NCAM1: variants seen among roughly 807,000 people sequenced by gnomAD.
The protein encoded by NCAM1 is neural cell adhesion molecule 1, also known as antigen recognized by monoclonal antibody 5.1H11.
Under a neutral mutation model 109.8 loss-of-function variants are expected in NCAM1, and 14 were observed. The observed-to-expected ratio is 0.13, with a 90% CI of 0.08 to 0.20. The LOEUF (loss-of-function observed/expected upper bound fraction) is 0.20. Among genes scored for constraint, NCAM1 ranks in the 10% least tolerant of loss-of-function variants. NCAM1 has a pLI of 1.00. For synonymous variants in NCAM1, 418 were observed against 442.9 expected, an observed-to-expected ratio of 0.94 and a Z score of 0.70; for missense variants, 774 against 1,109.9, an observed-to-expected ratio of 0.70 and a Z score of 4.30.
intron 1 of NCAM1, among the ~76,000 whole-genome samples, chr11:112,991,738 G>C (rs1951461964): frequency 6.6e-6 from 1 of 152,094 alleles, no homozygotes; most frequent in Non-Finnish European, 1.5e-5. Flanking sequence ...AAGTGTTTTT[G>C]GTAATAATTT....
intron 1 of NCAM1, among the ~76,000 whole-genome samples, chr11:113,128,354 T>C (rs1555097551): frequency 6.6e-6 from 1 of 152,198 alleles, no homozygotes; most frequent in African/African-American, 2.4e-5. Context: ...GGAATAAAAG[T>C]ACTCTGTGAC....
chr11:112,992,381 C>G (rs1555070697), intron 1 of NCAM1, among the ~76,000 whole-genome samples: 1 of 151,832 alleles, frequency 6.6e-6, no homozygotes, highest in Non-Finnish European at 1.5e-5. Context: ...ATGTTTTAAA[C>G]TTAATATGTC....
chr11:113,264,651 A>C, intron 17 of NCAM1: 1 of 985,524 alleles, frequency 1.0e-6, no homozygotes, highest in Non-Finnish European at 1.2e-6. Context: ...CCCTGATCCC[A>C]GGACCACCCA....
intron 1 of NCAM1, among the ~76,000 whole-genome samples, chr11:113,106,008 C>A (rs1361411521): frequency 6.6e-6 from 1 of 151,258 alleles, no homozygotes; most frequent in Admixed American, 6.7e-5. Context: ...TTTTGTATAA[C>A]CAGTTACACA....
Position 113,085,170 on chromosome 11 carries a change from T to C in NCAM1, c.53-117209T>C, listed in dbSNP as rs75379462. The stretch of plus-strand genomic sequence containing the variant: ...CCATAAAGGGTGTTAAAAGCATAAA[T>C]TGACAAAGATTTGTCTTGACTGATA... On this transcript the variant is annotated intron_variant, in intron 1 of 19. Coordinates refer to ENST00000316851, the MANE Select transcript of NCAM1 (RefSeq NM_181351.5). 9.6e-3 allele frequency among the ~76,000 whole-genome samples: 1,466 copies of C among 152,366 alleles called. 24 individuals are homozygous for C. Among genetic ancestry groups the C allele is most frequent in the African/African-American group, 0.034 (1,398 of 41,588 alleles).
rs186637850 is a variant in NCAM1, at chr11:113,269,864, G to A, written c.2132-324G>A. The A allele has an allele frequency of 1.9e-4, 75 of 395,570 alleles. No homozygotes were observed. In the Middle Eastern group the frequency reaches 2.3e-3, roughly 12 times the overall value. 24.5% of individuals were successfully genotyped at this position (395,570 alleles called of 1,614,324 possible). ...CCTGGTCCAGGGGAAACACAGCAGC[G>A]CCCTCCAACTGCCTCATTATCCGGT... On this transcript the variant is annotated intron_variant, in intron 17 of 19. Transcript: ENST00000316851.
At chr11:113,163,549 T>A (rs1942675664) in intron 1 of NCAM1, among the ~76,000 whole-genome samples, 1 of 152,168 alleles carries the variant, frequency 6.6e-6, no homozygotes, top group Middle Eastern at 3.2e-3. Flanking sequence ...TTGTTAGGGA[T>A]GAGACATCTC....
At chr11:113,072,434 G>A (rs1938316017) in intron 1 of NCAM1, among the ~76,000 whole-genome samples, 1 of 152,112 alleles carries the variant, frequency 6.6e-6, no homozygotes, top group Non-Finnish European at 1.5e-5. Flanking sequence ...ATCCTGAACA[G>A]TGAAGACAGA....
chr11:113,220,600 C>CTTTTTTTTTT (rs1336984958), intron 8 of NCAM1, among the ~76,000 whole-genome samples: 10 of 102,376 alleles, frequency 9.8e-5, no homozygotes, highest in East Asian at 9.5e-4. Flanking sequence ...CTCTCTCTCT[C>CTTTTTTTTTT]TCTTTTTTTT....
At chr11:113,203,562 G>C (rs1555112297) in intron 2 of NCAM1, among the ~76,000 whole-genome samples, 1 of 152,200 alleles carries the variant, frequency 6.6e-6, no homozygotes, top group African/African-American at 2.4e-5. Context: ...CAGTTTCAGT[G>C]TCAGAGCCCT....
chr11:113,260,055 C>A (rs1302186447), intron 16 of NCAM1, 91 bp from the exon 17 acceptor site: 1 of 1,173,364 alleles, frequency 8.5e-7, no homozygotes, highest in East Asian at 2.6e-5. Context: ...TATTGAGTCC[C>A]GTAAGTTTTG....
At chr11:113,114,900 G>A (rs782670310) in intron 1 of NCAM1, among the ~76,000 whole-genome samples, 14 of 151,942 alleles carry the variant, frequency 9.2e-5, no homozygotes, top group African/African-American at 1.7e-4. Context: ...AAATTAAGAC[G>A]AGCTCTCCTC....
intron 1 of NCAM1, among the ~76,000 whole-genome samples, chr11:113,177,225 T>A (rs1026197983): frequency 6.6e-6 from 1 of 152,176 alleles, no homozygotes; most frequent in Non-Finnish European, 1.5e-5. Flanking sequence ...ACAGAGTAGA[T>A]CCTGGTGTAA....
At position 113,051,207 on chromosome 11, in the gene NCAM1, G is replaced by A. The variant is rs77944061; in HGVS notation, c.52+89543G>A. On this transcript the variant is annotated intron_variant, in intron 1 of 19. Transcript: ENST00000316851. Reference sequence around the variant, plus strand: ...AAGCTGAAGAACTGCTACTATAGAGGGTCTTTTGATAAGTTACAGGTTATT... The same window carrying A: ...AAGCTGAAGAACTGCTACTATAGAGAGTCTTTTGATAAGTTACAGGTTATT... Among the ~76,000 whole-genome samples, 658 of 152,250 alleles carry A rather than the reference G, an allele frequency of 4.3e-3. 5 individuals are homozygous for A. The highest frequency in any genetic ancestry group is 0.015 in the African/African-American group (629 of 41,530).
rs1490675215 is a variant in NCAM1, at chr11:113,179,496, T to C, written c.53-22883T>C. ...AGCTCACCCACTGTGCAGGGAATTATGCTGACAAGCTGGCTGCTTCCAGAG... is the reference window on the plus strand; with the variant it reads ...AGCTCACCCACTGTGCAGGGAATTACGCTGACAAGCTGGCTGCTTCCAGAG... On this transcript the variant is annotated intron_variant, in intron 1 of 19. Coordinates refer to ENST00000316851, the MANE Select transcript of NCAM1 (RefSeq NM_181351.5). Among the ~76,000 whole-genome samples the C allele has an allele frequency of 3.3e-5, 5 of 152,250 alleles. 1 individual carries two copies. The highest frequency in any genetic ancestry group is 2.6e-4 in the Admixed American group (4 of 15,288).
intron 1 of NCAM1, among the ~76,000 whole-genome samples, chr11:113,165,980 C>T (rs191924436): frequency 1.5e-3 from 222 of 150,106 alleles, no homozygotes; most frequent in African/African-American, 5.3e-3. Context: ...CCACCATGCC[C>T]GGCTAATTTT....
chr11:112,988,258 A>T (rs1196925316), intron 1 of NCAM1, among the ~76,000 whole-genome samples: 1 of 152,172 alleles, frequency 6.6e-6, no homozygotes, highest in African/African-American at 2.4e-5. Flanking sequence ...AAATTATTAC[A>T]GCTATGATTA....
chr11:113,241,478 C>T, intron 14 of NCAM1, among the ~76,000 whole-genome samples: 1 of 152,060 alleles, frequency 6.6e-6, no homozygotes, highest in East Asian at 1.9e-4. Flanking sequence ...GTCCCGCCAC[C>T]CTAAAGAAAA....
intron 17 of NCAM1, among the ~76,000 whole-genome samples, chr11:113,265,351 T>C (rs1180015733): frequency 6.6e-6 from 1 of 152,036 alleles, no homozygotes; most frequent in Non-Finnish European, 1.5e-5. Context: ...GGGAGCAATC[T>C]CTTTTTCCCA....
Sources: gnomAD v4.1 joint callset for allele counts (sites outside exome capture counted in the v4.1 genomes callset) on GRCh38, gnomAD v4.1.1 for gene constraint, MANE v1.5 for transcripts, NCBI Gene and HGNC (gene_info 2026-07-23, HGNC 2026-07-21) for gene names.